Variants in PSMD1 observed in about 807,000 individuals in gnomAD.
PSMD1 encodes proteasome 26S subunit, non-ATPase 1, also known as 26S proteasome non-ATPase regulatory subunit 1.
Under a neutral mutation model 119.0 loss-of-function variants are expected in PSMD1, and 18 were observed. The ratio of observed to expected loss-of-function variants is 0.15; its 90% CI spans 0.10 to 0.22. The LOEUF (loss-of-function observed/expected upper bound fraction) is 0.22. Ranked by LOEUF, PSMD1 falls within the 10% of genes least tolerant of loss-of-function variation. The pLI is 1.00. For missense variants in PSMD1, 702 were observed against 1,158.5 expected, an observed-to-expected ratio of 0.61 and a Z score of 5.72; for synonymous variants, 374 against 396.6, an observed-to-expected ratio of 0.94 and a Z score of 0.68.
intron 6 of PSMD1, among the ~76,000 whole-genome samples, chr2:231,070,553 T>C (rs890970934): frequency 2.6e-5 from 4 of 152,130 alleles, no homozygotes; most frequent in African/African-American, 9.7e-5. Context: ...TATGGTTTCA[T>C]TACCCATACA....
At chr2:231,094,974 G>C (rs1694690130) in intron 16 of PSMD1, among the ~76,000 whole-genome samples, 1 of 152,226 alleles carries the variant, frequency 6.6e-6, no homozygotes, top group African/African-American at 2.4e-5. Context: ...TAGGGAGATA[G>C]TGTTTTAGTC....
At chr2:231,086,382 C>G (rs1159470116) in intron 15 of PSMD1, among the ~76,000 whole-genome samples, 1 of 152,212 alleles carries the variant, frequency 6.6e-6, no homozygotes, top group Non-Finnish European at 1.5e-5. Context: ...TGGGGCCGGG[C>G]ATGGTGGCGT....
chr2:231,129,956 C>A (rs1308333793), intron 16 of PSMD1, among the ~76,000 whole-genome samples: 1 of 152,032 alleles, frequency 6.6e-6, no homozygotes, highest in Non-Finnish European at 1.5e-5. Context: ...CGGGTTTAAA[C>A]AGTTCTCCTG....
intron 18 of PSMD1, among the ~76,000 whole-genome samples, chr2:231,153,084 A>G (rs993666449): frequency 1.3e-5 from 2 of 152,222 alleles, no homozygotes; most frequent in South Asian, 4.1e-4. Context: ...GATAATGGAA[A>G]TCTTTACTTT....
intron 16 of PSMD1, among the ~76,000 whole-genome samples, chr2:231,094,102 T>G (rs528740460): frequency 8.1e-4 from 124 of 152,276 alleles, no homozygotes; most frequent in Non-Finnish European, 1.7e-3. Flanking sequence ...CATAACTGAT[T>G]AGGTTCTAGT....
Position 231,106,472 on chromosome 2 carries a change from G to T in PSMD1, c.1883+19291G>T, listed in dbSNP as rs576084546. On this transcript the variant is annotated intron_variant, in intron 16 of 24. Coordinates refer to ENST00000308696, the MANE Select transcript of PSMD1 (RefSeq NM_002807.4). The stretch of plus-strand genomic sequence containing the variant: ...ATCTGTACTGAAAATACAAAAGTTA[G>T]CCAGGTGTGGGGGCGGGCACCTGTA... 1.3e-4 allele frequency among the ~76,000 whole-genome samples: 20 copies of T among 152,224 alleles called. No individual in the cohort carries two copies. The South Asian group carries it at 4.1e-3, about 32-fold the overall frequency.
chr2:231,093,669 G>C (rs1413385385), intron 16 of PSMD1, among the ~76,000 whole-genome samples: 4 of 152,132 alleles, frequency 2.6e-5, no homozygotes, highest in Non-Finnish European at 5.9e-5. Flanking sequence ...TTAGCAAAGT[G>C]CTTTTCTATG....
chr2:231,132,554 A>T (rs1393510172), intron 16 of PSMD1, among the ~76,000 whole-genome samples: 1 of 152,210 alleles, frequency 6.6e-6, no homozygotes, highest in Admixed American at 6.5e-5. Context: ...GTTTCTGGTT[A>T]TGCATCTAGA....
chr2:231,072,838 T>C (rs1055706779), intron 7 of PSMD1, among the ~76,000 whole-genome samples: 1 of 152,186 alleles, frequency 6.6e-6, no homozygotes, highest in African/African-American at 2.4e-5. Flanking sequence ...TATTAGAAAT[T>C]TGCATTCTGT....
chr2:231,087,013 G>C, intron 15 of PSMD1, 104 bp from the exon 16 acceptor site: 1 of 798,332 alleles, frequency 1.3e-6, no homozygotes, highest in Non-Finnish European at 2.2e-6. Context: ...ATACCTATCA[G>C]TAGTGAGGTA....
Position 231,103,671 on chromosome 2 carries a change from A to G in PSMD1, c.1883+16490A>G, listed in dbSNP as rs372659495. On this transcript the variant is annotated intron_variant, in intron 16 of 24. Coordinates refer to ENST00000308696, the MANE Select transcript of PSMD1 (RefSeq NM_002807.4). ...CCAAAATTTGGTTTCATAATTACATACACAAATTTGTTCTATTTCTAGGAG... is the reference window on the plus strand; with the variant it reads ...CCAAAATTTGGTTTCATAATTACATGCACAAATTTGTTCTATTTCTAGGAG... 3.3e-5 allele frequency among the ~76,000 whole-genome samples: 5 copies of G among 152,272 alleles called. No homozygotes were observed. In the East Asian group the frequency reaches 5.8e-4, roughly 18 times the overall value.
At position 231,083,663 on chromosome 2, in the gene PSMD1, A is replaced by T; in HGVS notation, c.1622A>T (p.His541Leu). The T allele has an allele frequency of 6.2e-7, 1 of 1,614,244 alleles. No individual in the cohort carries two copies. Among genetic ancestry groups the T allele is most frequent in the Non-Finnish European group, 8.5e-7 (1 of 1,180,040 alleles). ...GTTGGTTATGCACAAGAAACTCAAC[A>T]TGAGAAGATTCTGCGTGGTCTTGCA... is the stretch of plus-strand genomic sequence containing the variant. ...DMVGYAQETQ[H>L]EKILRGLAVG... is the part of the protein sequence containing the mutation. Residue 541 changes from histidine to leucine, a missense_variant, in exon 14 of 25, where the codon CAT becomes CTT. This residue lies in a region of PSMD1 where 272 missense variants were observed against 511.6 expected (regional missense o/e 0.53). Coordinates refer to ENST00000308696, the MANE Select transcript of PSMD1 (RefSeq NM_002807.4).
At position 231,108,664 on chromosome 2, in the gene PSMD1, A is replaced by T. The variant is rs147308867; in HGVS notation, c.1883+21483A>T. ...ACATGGCAGGGTTAATCCCATTTCGAATTCCATGTTTCTTGAAAAACTTAG... is the reference window on the plus strand; with the variant it reads ...ACATGGCAGGGTTAATCCCATTTCGTATTCCATGTTTCTTGAAAAACTTAG... On this transcript the variant is annotated intron_variant, in intron 16 of 24. Coordinates refer to ENST00000308696, the MANE Select transcript of PSMD1 (RefSeq NM_002807.4). The T allele has an allele frequency of 3.6e-4, 586 of 1,614,086 alleles. 7 individuals are homozygous for T. The African/African-American group carries it at 7.3e-3, about 20-fold the overall frequency.
At chr2:231,083,913 T>A in intron 14 of PSMD1, 150 bp downstream of exon 14, 1 of 797,134 alleles carries the variant, frequency 1.3e-6, no homozygotes. Context: ...TAATAGAATT[T>A]AAGAAATAAA....
chr2:231,154,197 C>A (rs1400188199), intron 19 of PSMD1, among the ~76,000 whole-genome samples: 10 of 152,134 alleles, frequency 6.6e-5, no homozygotes, highest in Non-Finnish European at 1.2e-4. Flanking sequence ...TTTGGGAGGC[C>A]AAGGCAGGTG....
chr2:231,058,844 T>C lies in PSMD1; in HGVS notation c.16+1803T>C, dbSNP rs1420231769. ...GATTTTCCCTTAGCTTCTCAATCTTTTGTCTCAACTCAAATGTTATCCTTC... is the reference window on the plus strand; with the variant it reads ...GATTTTCCCTTAGCTTCTCAATCTTCTGTCTCAACTCAAATGTTATCCTTC... On this transcript the variant is annotated intron_variant, in intron 1 of 24. Coordinates refer to ENST00000308696, the MANE Select transcript of PSMD1 (RefSeq NM_002807.4). 6.6e-5 allele frequency among the ~76,000 whole-genome samples: 10 copies of C among 152,266 alleles called. No individual in the cohort carries two copies. In the East Asian group the frequency reaches 1.9e-3, roughly 29 times the overall value.
chr2:231,062,533 C>T lies in PSMD1; in HGVS notation c.162C>T (p.Phe54=). ...AGGTTTTATACGAAGATGAAGGTTT[C>T]CGGAGTCGGCAGTTTGCAGCCTTAG... ...KIEVLYEDEG[F]RSRQFAALVA... Residue 54 remains phenylalanine, a synonymous_variant, in exon 4 of 25, where the codon TTC becomes TTT. Coordinates refer to ENST00000308696, the MANE Select transcript of PSMD1 (RefSeq NM_002807.4). 1 of 1,602,660 alleles carries T rather than the reference C, an allele frequency of 6.2e-7. No homozygotes were observed. The highest frequency in any genetic ancestry group is 8.5e-7 in the Non-Finnish European group (1 of 1,176,348).
chr2:231,119,533 C>T (rs1695458180), intron 16 of PSMD1, among the ~76,000 whole-genome samples: 1 of 152,084 alleles, frequency 6.6e-6, no homozygotes, highest in South Asian at 2.1e-4. Flanking sequence ...TTCAGCTATA[C>T]CACGGATACT....
intron 16 of PSMD1, among the ~76,000 whole-genome samples, chr2:231,122,311 A>T (rs1695573598): frequency 6.6e-6 from 1 of 152,156 alleles, no homozygotes; most frequent in Non-Finnish European, 1.5e-5. Flanking sequence ...TCTTTCTGTT[A>T]TTACTTATAA....
Sources: allele counts gnomAD v4.1 joint callset (sites outside exome capture counted in the v4.1 genomes callset), GRCh38; gene constraint gnomAD v4.1.1; regional missense constraint gnomAD v4.1.1; transcripts MANE v1.5; gene names NCBI Gene and HGNC (gene_info 2026-07-23, HGNC 2026-07-21).